The following PRSS23 variants were observed in gnomAD, a reference collection of about 807,000 sequenced individuals.
The protein encoded by PRSS23 is serine protease 23.
In PRSS23, 25 loss-of-function variants were observed where a neutral mutation model predicts 34.7. The observed-to-expected ratio is 0.72, with a 90% CI of 0.53 to 1.01. The LOEUF (loss-of-function observed/expected upper bound fraction) is 1.01, where lower values mean the gene tolerates loss of function less well. PRSS23 is among the 50% of genes least tolerant of loss of function. The pLI, the probability that PRSS23 is intolerant of heterozygous loss-of-function variation, is 0.00. For synonymous variants in PRSS23, 176 were observed against 186.6 expected (o/e 0.94, Z 0.46); for missense variants, 445 against 475.6 (o/e 0.94, Z 0.60).
At chr11:86,920,486 G>A (rs1949041026) in intron 2 of PRSS23, among the ~76,000 whole-genome samples, 1 of 152,172 alleles carries the variant, frequency 6.6e-6, no homozygotes, top group South Asian at 2.1e-4. Context: ...GGCAGATAAT[G>A]TGTACACATA....
downstream of PRSS23, among the ~76,000 whole-genome samples, chr11:86,814,951 A>C (rs1399805598): frequency 6.6e-6 from 1 of 152,188 alleles, no homozygotes; most frequent in East Asian, 1.9e-4. Context: ...GTGCTCTCTT[A>C]GTCTTGATTT....
chr11:86,926,843 CATT>C (rs1214412861), intron 2 of PRSS23, among the ~76,000 whole-genome samples: 2 of 152,174 alleles, frequency 1.3e-5, no homozygotes, highest in Non-Finnish European at 1.5e-5. Flanking sequence ...AAGTCTGTCT[CATT>C]ATGTGTTCAG....
chr11:86,908,576 TA>T (rs925490594), intron 2 of PRSS23, among the ~76,000 whole-genome samples: 10 of 152,184 alleles, frequency 6.6e-5, no homozygotes, highest in Non-Finnish European at 1.2e-4. Flanking sequence ...AGCAATTGGA[TA>T]AATGATGCTA....
intron 2 of PRSS23, among the ~76,000 whole-genome samples, chr11:86,830,996 C>T (rs1590883731): frequency 6.6e-6 from 1 of 151,714 alleles, no homozygotes; most frequent in Non-Finnish European, 1.5e-5. Context: ...ATGTCACAGG[C>T]GTGTACACCC....
chr11:86,950,533 G>A (rs748943734), intron 2 of PRSS23: 1 of 160,960 alleles, frequency 6.2e-6, no homozygotes, highest in Non-Finnish European at 1.4e-5. Flanking sequence ...TCAAATAACT[G>A]TTTTATGACA....
At chr11:86,833,364 C>A in intron 2 of PRSS23, 1 of 806,088 alleles carries the variant, frequency 1.2e-6, no homozygotes, top group Non-Finnish European at 2.1e-6. Context: ...GGTACATGAA[C>A]AGGAACAGCC....
intron 2 of PRSS23, among the ~76,000 whole-genome samples, chr11:86,882,002 C>T (rs1051780633): frequency 6.6e-6 from 1 of 152,174 alleles, no homozygotes; most frequent in Non-Finnish European, 1.5e-5. Flanking sequence ...TGTTCATGGT[C>T]AGCCCACTTA....
At chr11:86,822,358 C>T (rs377646653) in intron 1 of PRSS23, among the ~76,000 whole-genome samples, 5 of 152,200 alleles carry the variant, frequency 3.3e-5, no homozygotes, top group Admixed American at 1.3e-4. Flanking sequence ...TGGTGGCTCA[C>T]GCCTGTAATA....
chr11:86,833,056 C>A lies in PRSS23; in HGVS notation c.206+9463C>A, dbSNP rs137985789. The A allele has an allele frequency of 1.9e-4, 98 of 518,346 alleles. 1 individual carries two copies. Among genetic ancestry groups the A allele is most frequent in the African/African-American group, 1.7e-3 (87 of 51,106 alleles). 32.1% of individuals were successfully genotyped at this position (518,346 alleles called of 1,614,324 possible). On this transcript the variant is annotated intron_variant, in intron 2 of 2. Transcript: ENST00000533902. ...CCACAGAAACATGGGTTCATGATGG[C>A]TGAATAATATAGAGGGTGACAGATG...
upstream of PRSS23, among the ~76,000 whole-genome samples, chr11:86,797,112 C>T (rs2135589972): frequency 6.6e-6 from 1 of 152,362 alleles, no homozygotes; most frequent in Middle Eastern, 3.4e-3. Context: ...GGGCTTTGCC[C>T]TGAATGCATT....
At chr11:86,922,053 C>T (rs60732983) in intron 2 of PRSS23, 97 of 152,320 alleles carry the variant, frequency 6.4e-4, no homozygotes, top group African/African-American at 2.2e-3. Flanking sequence ...ATATCCTCAT[C>T]TTTCCTTTGT....
intron 2 of PRSS23, chr11:86,934,834 G>C (rs563768219): frequency 6.6e-6 from 1 of 152,376 alleles, no homozygotes; most frequent in East Asian, 1.9e-4. Flanking sequence ...TGGGAAAGGA[G>C]AGAGGGGATC....
At chr11:86,883,258 A>G (rs560838814) in intron 2 of PRSS23, among the ~76,000 whole-genome samples, 65 of 152,382 alleles carry the variant, frequency 4.3e-4, no homozygotes, top group African/African-American at 1.5e-3. Flanking sequence ...ACAGGGATAC[A>G]GTAACCAAAA....
intron 2 of PRSS23, among the ~76,000 whole-genome samples, chr11:86,853,814 C>A (rs1948548946): frequency 6.6e-6 from 1 of 152,146 alleles, no homozygotes; most frequent in Admixed American, 6.5e-5. Context: ...ATACTATTTT[C>A]CCTGTTCCTG....
At chr11:86,922,184 T>C (rs888505131) in intron 2 of PRSS23, 1 of 152,160 alleles carries the variant, frequency 6.6e-6, no homozygotes, top group Admixed American at 6.5e-5. Context: ...ATAAAAATAA[T>C]AATGGCCAAG....
At chr11:86,897,967 AAGAT>A (rs1337243252) in intron 2 of PRSS23, among the ~76,000 whole-genome samples, 1 of 152,196 alleles carries the variant, frequency 6.6e-6, no homozygotes, top group Non-Finnish European at 1.5e-5. Flanking sequence ...CTCCCTGGAG[AAGAT>A]AGATAGATCT....
At chr11:86,940,940 TG>T (rs1256941363) in intron 2 of PRSS23, 1 of 152,202 alleles carries the variant, frequency 6.6e-6, no homozygotes, top group African/African-American at 2.4e-5. Context: ...AACGACCTAC[TG>T]GGTACAAATA....
intron 2 of PRSS23, among the ~76,000 whole-genome samples, chr11:86,861,184 A>T (rs577445091): frequency 1.4e-5 from 2 of 142,006 alleles, no homozygotes; most frequent in South Asian, 2.3e-4. Flanking sequence ...TCCCCATGTC[A>T]CGGGGGGTGT....
intron 1 of PRSS23, among the ~76,000 whole-genome samples, chr11:86,819,441 GTC>G (rs1203605874): frequency 2.0e-5 from 3 of 152,054 alleles, no homozygotes; most frequent in African/African-American, 4.8e-5. Flanking sequence ...ACTTAGTTTA[GTC>G]TCTCAATATT....
Sources: allele counts gnomAD v4.1 joint callset (sites outside exome capture counted in the v4.1 genomes callset), GRCh38; gene constraint gnomAD v4.1.1; transcripts MANE v1.5; gene names NCBI Gene and HGNC (gene_info 2026-07-23, HGNC 2026-07-21).